The following TBC1D5 variants were observed in gnomAD, a reference collection of about 807,000 sequenced individuals.
The protein encoded by TBC1D5 is TBC1 domain family member 5.
Under a neutral mutation model 100.3 loss-of-function variants are expected in TBC1D5, and 75 were observed. That is an observed-to-expected ratio of 0.75 (90% CI 0.62 to 0.91). The LOEUF (loss-of-function observed/expected upper bound fraction) is 0.91, where lower values mean the gene tolerates loss of function less well. Among genes scored for constraint, TBC1D5 ranks in the 40% least tolerant of loss-of-function variants. The probability of loss-of-function intolerance (pLI) is 0.00; values close to 1 mark genes in which losing one functional copy is unlikely to be tolerated. For synonymous variants in TBC1D5, 323 were observed against 325.6 expected (o/e 0.99, Z 0.09); for missense variants, 910 against 942.4 (o/e 0.97, Z 0.45).
intron 13 of TBC1D5, among the ~76,000 whole-genome samples, chr3:17,312,878 G>T (rs1365932366): frequency 6.6e-6 from 1 of 152,094 alleles, no homozygotes; most frequent in Non-Finnish European, 1.5e-5. Flanking sequence ...TGAACATGTT[G>T]GGTACAGAAG....
At chr3:17,378,132 G>T (rs2092784655) in intron 9 of TBC1D5, among the ~76,000 whole-genome samples, 1 of 151,802 alleles carries the variant, frequency 6.6e-6, no homozygotes, top group African/African-American at 2.4e-5. Context: ...ATAAGAAAAT[G>T]ATAAAGGGGG....
intron 1 of TBC1D5, among the ~76,000 whole-genome samples, chr3:17,655,655 A>G (rs917266717): frequency 6.6e-6 from 1 of 152,106 alleles, no homozygotes; most frequent in Non-Finnish European, 1.5e-5. Context: ...CTGAAATACT[A>G]CAAAATCTGA....
chr3:17,634,213 C>G (rs1459408958), intron 1 of TBC1D5, among the ~76,000 whole-genome samples: 1 of 152,146 alleles, frequency 6.6e-6, no homozygotes, highest in Non-Finnish European at 1.5e-5. Flanking sequence ...CCAGCAATCC[C>G]ACTGCTGGGT....
intron 19 of TBC1D5, among the ~76,000 whole-genome samples, chr3:17,174,185 C>T (rs1018934441): frequency 2.6e-5 from 4 of 152,160 alleles, no homozygotes; most frequent in Non-Finnish European, 4.4e-5. Flanking sequence ...GTTGTTGGGT[C>T]CCTCTTGCTT....
chr3:17,706,565 T>G (rs2074203885), intron 1 of TBC1D5, among the ~76,000 whole-genome samples: 1 of 152,120 alleles, frequency 6.6e-6, no homozygotes, highest in Non-Finnish European at 1.5e-5. Flanking sequence ...TATAGACAAC[T>G]TTTTTCAACA....
chr3:17,220,762 A>G (rs879533532), intron 17 of TBC1D5, among the ~76,000 whole-genome samples: 1 of 152,120 alleles, frequency 6.6e-6, no homozygotes, highest in Non-Finnish European at 1.5e-5. Context: ...GAGGTGGTGG[A>G]AAATGGTAGC....
At chr3:17,236,287 G>A (rs1014264501) in intron 17 of TBC1D5, among the ~76,000 whole-genome samples, 9 of 152,042 alleles carry the variant, frequency 5.9e-5, no homozygotes, top group African/African-American at 2.2e-4. Flanking sequence ...TGTTATCAAA[G>A]CAATATTGAA....
chr3:17,328,678 G>T (rs1448639623), intron 13 of TBC1D5, among the ~76,000 whole-genome samples: 1 of 152,148 alleles, frequency 6.6e-6, no homozygotes, highest in East Asian at 1.9e-4. Context: ...GACATGAGAT[G>T]AAGTCTTCAG....
chr3:17,563,200 A>G (rs976055001), intron 2 of TBC1D5, among the ~76,000 whole-genome samples: 16 of 152,254 alleles, frequency 1.1e-4, no homozygotes, highest in Admixed American at 5.2e-4. Flanking sequence ...AAGGAAGAAT[A>G]TAATAAATTT....
intron 19 of TBC1D5, among the ~76,000 whole-genome samples, chr3:17,171,217 C>G (rs1440939569): frequency 1.3e-5 from 2 of 151,960 alleles, no homozygotes; most frequent in African/African-American, 4.8e-5. Flanking sequence ...AAGGAGGCAC[C>G]TAGAGCACGC....
intron 13 of TBC1D5, among the ~76,000 whole-genome samples, chr3:17,328,148 T>C (rs1049743819): frequency 2.0e-5 from 3 of 152,054 alleles, no homozygotes; most frequent in Admixed American, 1.3e-4. Flanking sequence ...TACACACCTA[T>C]AGTCCCAGCT....
intron 15 of TBC1D5, among the ~76,000 whole-genome samples, chr3:17,290,845 G>A (rs2081652045): frequency 6.6e-6 from 1 of 152,174 alleles, no homozygotes; most frequent in Non-Finnish European, 1.5e-5. Flanking sequence ...AAACTGCTTT[G>A]TGTAAGAGAA....
chr3:17,261,238 A>T (rs1398716978), intron 15 of TBC1D5, among the ~76,000 whole-genome samples: 2 of 152,224 alleles, frequency 1.3e-5, no homozygotes, highest in Non-Finnish European at 2.9e-5. Context: ...GAATTTTGGA[A>T]TACCATCTCA....
rs567056862 is a variant in TBC1D5, at chr3:17,254,756, G to A, written c.1331+3750C>T. Among the ~76,000 whole-genome samples the A allele has an allele frequency of 4.2e-3, 326 of 77,956 alleles. 1 individual carries two copies. Among genetic ancestry groups the A allele is most frequent in the Non-Finnish European group, 5.9e-3 (244 of 41,686 alleles). 51.1% of individuals were successfully genotyped at this position (77,956 alleles called of 152,430 possible). ...TCTTTGCCTACCCTTTGTCTTTACCGTGGCGGGGGTGGGGGGGGGGTCCCA... is the reference window on the plus strand; with the variant it reads ...TCTTTGCCTACCCTTTGTCTTTACCATGGCGGGGGTGGGGGGGGGGTCCCA... On this transcript the variant is annotated intron_variant, in intron 16 of 21. Coordinates refer to ENST00000253692, the Ensembl canonical transcript of TBC1D5.
chr3:17,230,896 C>A (rs2075359399), intron 17 of TBC1D5, among the ~76,000 whole-genome samples: 2 of 152,008 alleles, frequency 1.3e-5, no homozygotes, highest in African/African-American at 4.8e-5. Context: ...CTACGCATAT[C>A]CTCCTTTATA....
At chr3:17,416,641 T>C (rs2094080522) in intron 4 of TBC1D5, among the ~76,000 whole-genome samples, 1 of 152,204 alleles carries the variant, frequency 6.6e-6, no homozygotes, top group Non-Finnish European at 1.5e-5. Flanking sequence ...TCTAAATAAA[T>C]GGTGCTACCA....
At chr3:17,661,549 G>A (rs536130103) in intron 1 of TBC1D5, among the ~76,000 whole-genome samples, 8 of 149,610 alleles carry the variant, frequency 5.3e-5, no homozygotes, top group African/African-American at 1.7e-4. Context: ...TCACTAGACC[G>A]GAGTGCAGTG....
At chr3:17,340,981 G>T (rs960776025) in intron 13 of TBC1D5, among the ~76,000 whole-genome samples, 1 of 152,140 alleles carries the variant, frequency 6.6e-6, no homozygotes, top group Non-Finnish European at 1.5e-5. Context: ...TTCTGAAAAT[G>T]TCACATTAAT....
At chr3:17,627,485 TAA>T (rs1560316877) in intron 1 of TBC1D5, among the ~76,000 whole-genome samples, 1 of 152,058 alleles carries the variant, frequency 6.6e-6, no homozygotes. Context: ...GGAAATTAAC[TAA>T]AGTCAAATAA....
Sources: gnomAD v4.1 joint callset for allele counts (sites outside exome capture counted in the v4.1 genomes callset) on GRCh38, gnomAD v4.1.1 for gene constraint, MANE v1.5 for transcripts, NCBI Gene and HGNC (gene_info 2026-07-23, HGNC 2026-07-21) for gene names.